FRMPD2: variants seen among roughly 807,000 people sequenced by gnomAD.
The protein encoded by FRMPD2 is FERM and PDZ domain containing 2.
A neutral mutation model predicts 140.1 loss-of-function variants in FRMPD2; 96 were observed. The ratio of observed to expected loss-of-function variants is 0.69; its 90% CI spans 0.58 to 0.81. FRMPD2 has a LOEUF of 0.81. Ranked by LOEUF, FRMPD2 falls within the 40% of genes least tolerant of loss-of-function variation. The pLI is 0.00. For missense variants in FRMPD2, 1,240 were observed against 1,447.4 expected (o/e 0.86, Z 2.32); for synonymous variants, 449 against 547.6 (o/e 0.82, Z 2.52).
At chr10:48,262,674 C>A (rs1228846986) in intron 1 of FRMPD2, among the ~76,000 whole-genome samples, 1 of 152,158 alleles carries the variant, frequency 6.6e-6, no homozygotes, top group African/African-American at 2.4e-5. Flanking sequence ...TTTTATCCAA[C>A]AACAACAGAA....
intron 12 of FRMPD2, among the ~76,000 whole-genome samples, chr10:48,215,324 C>T (rs535776670): frequency 6.6e-6 from 1 of 152,284 alleles, no homozygotes; most frequent in South Asian, 2.1e-4. Context: ...CATTCAGTGA[C>T]ACAGAGAGGG....
intron 18 of FRMPD2, 143 bp from the exon 19 acceptor site, chr10:48,185,024 G>A (rs1838645307): frequency 1.6e-6 from 1 of 614,634 alleles, no homozygotes; most frequent in Admixed American, 3.2e-5. Flanking sequence ...TCCTCAAATA[G>A]AGGATCTTTT....
intron 3 of FRMPD2, 54 bp downstream of exon 3, chr10:48,248,967 A>G: frequency 6.7e-7 from 1 of 1,499,622 alleles, no homozygotes. Flanking sequence ...CCGCTGGGAC[A>G]GGCCTTTCCC....
intron 1 of FRMPD2, among the ~76,000 whole-genome samples, chr10:48,258,479 T>C (rs1172610458): frequency 6.6e-6 from 1 of 152,208 alleles, no homozygotes; most frequent in Non-Finnish European, 1.5e-5. Context: ...AAGGACACTC[T>C]TCACATCTCA....
chr10:48,232,329 G>A, intron 9 of FRMPD2, 40 bp from the exon 10 acceptor site: 1 of 1,475,812 alleles, frequency 6.8e-7, no homozygotes, highest in South Asian at 1.3e-5. Flanking sequence ...ACAATTATAA[G>A]TCATTGAGCC....
chr10:48,231,928 T>G (rs1265758448), intron 10 of FRMPD2, among the ~76,000 whole-genome samples, 187 bp downstream of exon 10: 1 of 152,218 alleles, frequency 6.6e-6, no homozygotes, highest in East Asian at 1.9e-4. Context: ...CTGACAACCT[T>G]CTGCACTTGC....
chr10:48,197,626 T>A (rs777339399), intron 15 of FRMPD2, among the ~76,000 whole-genome samples: 3 of 152,356 alleles, frequency 2.0e-5, no homozygotes, highest in East Asian at 1.9e-4. Context: ...CCAGATGACA[T>A]GCATGCTGCA....
At chr10:48,198,458 T>A (rs1001656505) in intron 15 of FRMPD2, among the ~76,000 whole-genome samples, 1 of 152,168 alleles carries the variant, frequency 6.6e-6, no homozygotes, top group Non-Finnish European at 1.5e-5. Context: ...AAGTGCCCAA[T>A]AGTGTGAACA....
In FRMPD2 at chr10:48,251,702, GACAT is replaced by G; in HGVS notation, c.26-15_26-12del. 1.2e-6 allele frequency: 2 copies of G among 1,613,980 alleles called. No homozygotes were observed. Among genetic ancestry groups the G allele is most frequent in the Non-Finnish European group, 1.7e-6 (2 of 1,179,854 alleles). On this transcript the variant is annotated splice_polypyrimidine_tract_variant and intron_variant, in intron 1 of 28. Transcript: ENST00000374201. ...AGGACAGGCTCATGCCTACAATAAAGACATGCATGTGACAGGGCCTCTGCAATGT... is the reference window on the plus strand; with the variant it reads ...AGGACAGGCTCATGCCTACAATAAAGGCATGTGACAGGGCCTCTGCAATGT...
chr10:48,164,437 T>C (rs1277522322), intron 27 of FRMPD2, among the ~76,000 whole-genome samples: 2 of 150,486 alleles, frequency 1.3e-5, no homozygotes, highest in Admixed American at 6.6e-5. Flanking sequence ...AATCATGATT[T>C]TACCTTTTCC....
intron 1 of FRMPD2, among the ~76,000 whole-genome samples, chr10:48,254,042 T>C (rs141431477): frequency 6.6e-6 from 1 of 151,630 alleles, no homozygotes; most frequent in Non-Finnish European, 1.5e-5. Flanking sequence ...TGACAGGAAA[T>C]TACTCATCAC....
intron 10 of FRMPD2, among the ~76,000 whole-genome samples, chr10:48,231,479 C>G (rs2131923500): frequency 6.6e-6 from 1 of 152,290 alleles, no homozygotes; most frequent in South Asian, 2.1e-4. Context: ...CCCTTGGAAC[C>G]AATCACCTTT....
rs563495702 is a variant in FRMPD2, at chr10:48,256,279, A to T, written c.26-4588T>A. ...TAGACAGCTGCCCAGTCAATCCCCG[A>T]GTGTCAGCTGCAGGGATCAGCCACC... is the stretch of plus-strand genomic sequence containing the variant. On this transcript the variant is annotated intron_variant, in intron 1 of 28. Transcript: ENST00000374201. 2.0e-5 allele frequency among the ~76,000 whole-genome samples: 3 copies of T among 150,724 alleles called. No homozygotes were observed. In the East Asian group the frequency reaches 6.0e-4, roughly 30 times the overall value.
chr10:48,221,598 T>A (rs1164523944), intron 12 of FRMPD2, among the ~76,000 whole-genome samples: 1 of 152,162 alleles, frequency 6.6e-6, no homozygotes, highest in African/African-American at 2.4e-5. Flanking sequence ...AATGAATAAA[T>A]TAATATAAAT....
chr10:48,181,951 T>G (rs987564041), intron 20 of FRMPD2, among the ~76,000 whole-genome samples: 2 of 146,094 alleles, frequency 1.4e-5, no homozygotes, highest in Non-Finnish European at 3.0e-5. Flanking sequence ...CCTCAATAAA[T>G]GTATCTACTG....
rs11101271 is a variant in FRMPD2, at chr10:48,249,991, T to C, written c.152-813A>G. Among the ~76,000 whole-genome samples, 342 of 152,284 alleles carry C rather than the reference T, an allele frequency of 2.2e-3. 14 individuals are homozygous for C. The East Asian group carries it at 0.061, about 27-fold the overall frequency. ...TGCAAGTGTGAGGCCACCTGGAGGT[T>C]GGGCTCTGTACAGAACACATGCCCA... is the stretch of plus-strand genomic sequence containing the variant. On this transcript the variant is annotated intron_variant, in intron 2 of 28. Transcript: ENST00000374201.
intron 15 of FRMPD2, among the ~76,000 whole-genome samples, chr10:48,196,769 A>G (rs1406729357): frequency 6.6e-6 from 1 of 152,228 alleles, no homozygotes; most frequent in Non-Finnish European, 1.5e-5. Flanking sequence ...AAAGCAAGGG[A>G]ACTTTGTCTA....
rs145725729 is a variant in FRMPD2 at position 48,232,187 on chromosome 10, C to A, written c.1096G>T (p.Ala366Ser). The change falls in exon 10 of 29, where the codon GCT (alanine) becomes TCT (serine). Residue 366 changes from alanine to serine, a missense_variant. Coordinates refer to ENST00000374201, the MANE Select transcript of FRMPD2 (RefSeq NM_001018071.4). ...AAGGATGTCACGGCATTGAAGACAG[C>A]TCCCACTGTTGATTCAACATCACAT... Reference protein sequence around the residue: ...VKCDVESTVGAVFNAVTSFAN... With the variant: ...VKCDVESTVGSVFNAVTSFAN... 391 of 1,614,162 alleles carry A rather than the reference C, an allele frequency of 2.4e-4. 1 individual carries two copies. The African/African-American group carries it at 4.8e-3, about 20-fold the overall frequency.
At chr10:48,252,945 T>C (rs933929013) in intron 1 of FRMPD2, among the ~76,000 whole-genome samples, 1 of 152,166 alleles carries the variant, frequency 6.6e-6, no homozygotes, top group Non-Finnish European at 1.5e-5. Context: ...CTTTAGAAAC[T>C]GTTTGAGACT....
Sources: allele counts gnomAD v4.1 joint callset (sites outside exome capture counted in the v4.1 genomes callset), GRCh38; gene constraint gnomAD v4.1.1; transcripts MANE v1.5; gene names NCBI Gene and HGNC (gene_info 2026-07-23, HGNC 2026-07-21).